Variants in ETV5 observed in about 807,000 individuals in gnomAD.
The protein encoded by ETV5 is ETS translocation variant 5.
In ETV5, 10 loss-of-function variants were observed where a neutral mutation model predicts 70.0. The observed-to-expected ratio is 0.14, with a 90% CI of 0.09 to 0.24. ETV5 has a LOEUF of 0.24. Among genes scored for constraint, ETV5 ranks in the 10% least tolerant of loss-of-function variants. ETV5 has a pLI of 1.00. For missense variants in ETV5, 453 were observed against 651.2 expected (o/e 0.70, Z 3.31); for synonymous variants, 216 against 242.2 (o/e 0.89, Z 1.01).
At chr3:186,063,014 G>A (rs533035443) in intron 9 of ETV5, among the ~76,000 whole-genome samples, 33 of 152,318 alleles carry the variant, frequency 2.2e-4, no homozygotes, top group African/African-American at 7.0e-4. Flanking sequence ...GTTCACGCCT[G>A]TAATCCCAGC....
At chr3:186,075,306 A>G (rs1713755654) in intron 7 of ETV5, among the ~76,000 whole-genome samples, 1 of 152,234 alleles carries the variant, frequency 6.6e-6, no homozygotes, top group African/African-American at 2.4e-5. Flanking sequence ...TGGAGAAGAG[A>G]TGCATCAGGC....
chr3:186,057,390 A>G lies in ETV5; in HGVS notation c.1039+33T>C. 1.2e-6 allele frequency: 2 copies of G among 1,612,240 alleles called. No homozygotes were observed. Among genetic ancestry groups the G allele is most frequent in the East Asian group, 2.2e-5 (1 of 44,880 alleles). On this transcript the variant is annotated intron_variant, in intron 10 of 12. Coordinates refer to ENST00000306376, the MANE Select transcript of ETV5 (RefSeq NM_004454.3). The surrounding 1 kb of genome is among the most constrained non-coding windows in gnomAD (Gnocchi z 4.9). ...GGTGTTCTGACACCTCCAAACCTCT[A>G]CCTGGCAACAAACCTTGGATGGGGC...
At chr3:186,102,744 G>C (rs1162958002) in intron 5 of ETV5, among the ~76,000 whole-genome samples, 5 of 149,820 alleles carry the variant, frequency 3.3e-5, no homozygotes, top group Non-Finnish European at 7.4e-5. Flanking sequence ...CATTAAATTT[G>C]AATGAGTTTT....
intron 5 of ETV5, among the ~76,000 whole-genome samples, chr3:186,096,342 T>C (rs886641269): frequency 3.3e-5 from 5 of 152,194 alleles, no homozygotes; most frequent in African/African-American, 9.7e-5. Flanking sequence ...CATCCCCCCC[T>C]CTTCTATTCT....
At chr3:186,108,120 T>C (rs1714639364) in intron 1 of ETV5, among the ~76,000 whole-genome samples, 3 of 136,112 alleles carry the variant, frequency 2.2e-5, no homozygotes, top group Non-Finnish European at 4.7e-5. Context: ...CCGCTTCCAA[T>C]CCCCCCACCC....
At chr3:186,103,719 G>A (rs1266096993) in intron 5 of ETV5, among the ~76,000 whole-genome samples, 4 of 150,964 alleles carry the variant, frequency 2.6e-5, no homozygotes, top group African/African-American at 9.8e-5. Context: ...CCAATCACTC[G>A]AAAGCAATCA....
At chr3:186,065,677 G>T (rs1362419382) in intron 8 of ETV5, 136 bp downstream of exon 8, 5 of 1,042,882 alleles carry the variant, frequency 4.8e-6, no homozygotes, top group Non-Finnish European at 6.8e-6. Flanking sequence ...TAAGTTATTT[G>T]AGGGCAATTC....
chr3:186,065,164 C>A (rs1322923896), intron 8 of ETV5, among the ~76,000 whole-genome samples: 2 of 152,076 alleles, frequency 1.3e-5, no homozygotes, highest in Non-Finnish European at 2.9e-5. Flanking sequence ...TGAGCCATCA[C>A]CCTGGCAATA....
rs1305281913 is a variant in ETV5 at position 186,052,069 on chromosome 3, G to A, written c.1272C>T (p.Arg424=). The change falls in exon 12 of 13, where the codon CGC becomes CGT. Residue 424 remains arginine, a synonymous_variant. Transcript: ENST00000306376. This position sits in a 1 kb window ranked among gnomAD's most constrained non-coding sequence, Gnocchi z 4.5. ...CCTTTTCATAGTAATAGCGGAGAGA[G>A]CGGCTCAGCTTGTCATAGTTCATGG... ...RPAMNYDKLS[R]SLRYYYEKGI... is the part of the protein sequence containing the mutation. 1 of 1,613,962 alleles carries A rather than the reference G, an allele frequency of 6.2e-7. No homozygotes were observed. Among genetic ancestry groups the A allele is most frequent in the East Asian group, 2.2e-5 (1 of 44,878 alleles).
Position 186,064,442 on chromosome 3 carries a change from C to T in ETV5, c.945G>A (p.Gly315=). The change falls in exon 9 of 13, where the codon GGG becomes GGA. Residue 315 remains glycine (G), a synonymous_variant. Transcript: ENST00000306376. ...VPNCQSSYMR[G]GYFSSSHEGF... ...CTTCATGGCTGCTGGAGAAATAACC[C>T]CCTCTCATGTAGGATGACTGGCAGT... 6.2e-7 allele frequency: 1 copy of T among 1,614,094 alleles called. No homozygotes were observed. Among genetic ancestry groups the T allele is most frequent in the Non-Finnish European group, 8.5e-7 (1 of 1,180,014 alleles).
At chr3:186,087,099 C>T (rs1475525807) in intron 5 of ETV5, among the ~76,000 whole-genome samples, 4 of 152,090 alleles carry the variant, frequency 2.6e-5, no homozygotes, top group East Asian at 1.9e-4. Flanking sequence ...ATAAAGATAT[C>T]GATTCTTCCC....
chr3:186,070,693 T>A (rs780779160), intron 7 of ETV5, among the ~76,000 whole-genome samples: 5 of 152,218 alleles, frequency 3.3e-5, no homozygotes, highest in African/African-American at 7.2e-5. Context: ...TCAAAATACA[T>A]CCTGTGAACT....
intron 5 of ETV5, among the ~76,000 whole-genome samples, chr3:186,104,526 G>C (rs924573382): frequency 1.3e-5 from 2 of 152,050 alleles, no homozygotes; most frequent in African/African-American, 4.8e-5. Context: ...CAACATGTTG[G>C]ATGAAGCCAA....
intron 5 of ETV5, among the ~76,000 whole-genome samples, chr3:186,102,865 C>T (rs953491823): frequency 6.6e-6 from 1 of 152,116 alleles, no homozygotes. Flanking sequence ...TGCATGCAGC[C>T]GGCTGTGGGC....
intron 1 of ETV5, among the ~76,000 whole-genome samples, chr3:186,108,150 C>T (rs567248706): frequency 2.0e-5 from 3 of 147,332 alleles, no homozygotes; most frequent in African/African-American, 7.5e-5. Flanking sequence ...CTCCCTGGCA[C>T]CCCCTCGTCG....
intron 5 of ETV5, among the ~76,000 whole-genome samples, chr3:186,092,391 A>C (rs1714201828): frequency 6.6e-6 from 1 of 152,166 alleles, no homozygotes; most frequent in Non-Finnish European, 1.5e-5. Context: ...AGGAATTAAG[A>C]GTTATTGATA....
rs117438824 is a variant in ETV5 at position 186,049,050 on chromosome 3, T to C, written c.1312-190A>G. 1.8e-3 allele frequency among the ~76,000 whole-genome samples: 269 copies of C among 152,248 alleles called. 6 individuals carry two copies. In the East Asian group the frequency reaches 0.04, roughly 23 times the overall value. ...AAGTGTTTTACTGACACTACAGCAGTTAAAAAAGAAGATATCTGAATTTCG... is the reference window on the plus strand; with the variant it reads ...AAGTGTTTTACTGACACTACAGCAGCTAAAAAAGAAGATATCTGAATTTCG... On this transcript the variant is annotated intron_variant, in intron 12 of 12. Transcript: ENST00000306376.
intron 5 of ETV5, among the ~76,000 whole-genome samples, chr3:186,099,360 T>G (rs952961798): frequency 2.6e-5 from 4 of 152,214 alleles, no homozygotes; most frequent in African/African-American, 7.2e-5. Flanking sequence ...AAAAGCAACC[T>G]AATCCGGTAA....
intron 7 of ETV5, among the ~76,000 whole-genome samples, chr3:186,073,639 C>CTT (rs1289350424): frequency 4.6e-5 from 7 of 152,198 alleles, no homozygotes. Flanking sequence ...AGAAACATAT[C>CTT]TATAAAGAAC....
Sources: allele counts gnomAD v4.1 joint callset (sites outside exome capture counted in the v4.1 genomes callset), GRCh38; gene constraint gnomAD v4.1.1; non-coding constraint Gnocchi (gnomAD v3.1); transcripts MANE v1.5; gene names NCBI Gene and HGNC (gene_info 2026-07-23, HGNC 2026-07-21).